Variants in FGF14 observed in about 807,000 individuals in gnomAD.
FGF14 encodes the protein fibroblast growth factor homologous factor 4.
FGF14 carries 5 observed loss-of-function variants against 25.5 expected under a neutral mutation model. That is an observed-to-expected ratio of 0.20 (90% CI 0.10 to 0.41). The LOEUF (loss-of-function observed/expected upper bound fraction) is 0.41. Among genes scored for constraint, FGF14 ranks in the 10% least tolerant of loss-of-function variants. The pLI, the probability that FGF14 is intolerant of heterozygous loss-of-function variation, is 1.00. For missense variants in FGF14, 222 were observed against 320.1 expected (o/e 0.69, Z 2.34); for synonymous variants, 138 against 118.3 (o/e 1.17, Z -1.08).
chr13:102,226,718 A>G (rs1051369848), intron 1 of FGF14, among the ~76,000 whole-genome samples: 1 of 152,190 alleles, frequency 6.6e-6, no homozygotes, highest in South Asian at 2.1e-4. Context: ...CTACTCTCTT[A>G]CAATTACCAC....
chr13:101,910,375 G>A (rs1278359404), intron 1 of FGF14, among the ~76,000 whole-genome samples: 1 of 152,070 alleles, frequency 6.6e-6, no homozygotes, highest in Non-Finnish European at 1.5e-5. Flanking sequence ...CCTGACAAAT[G>A]TGGTATGTTT....
chr13:101,767,490 C>T (rs9513946), intron 3 of FGF14, among the ~76,000 whole-genome samples: 64,964 of 152,084 alleles, frequency 0.43, 15,050 homozygotes, highest in Middle Eastern at 0.52. Context: ...AGGCACCAAA[C>T]TGACAATGCA....
At chr13:102,231,062 C>CT (rs1470821152) in intron 1 of FGF14, among the ~76,000 whole-genome samples, 1 of 152,124 alleles carries the variant, frequency 6.6e-6, no homozygotes, top group Admixed American at 6.6e-5. Flanking sequence ...TTTCCCTTTT[C>CT]TTTTTTGTCT....
intron 3 of FGF14, among the ~76,000 whole-genome samples, chr13:101,741,377 C>G (rs1456606762): frequency 6.6e-6 from 1 of 152,082 alleles, no homozygotes; most frequent in East Asian, 1.9e-4. Context: ...ATGAGCAGTA[C>G]TATAGTAGGA....
chr13:102,349,481 A>G (rs913277084), intron 1 of FGF14, among the ~76,000 whole-genome samples: 1 of 152,214 alleles, frequency 6.6e-6, no homozygotes, highest in South Asian at 2.1e-4. Flanking sequence ...AATTGATGTC[A>G]TGTTATTAGC....
At chr13:102,211,709 GA>G (rs1316349966) in intron 1 of FGF14, among the ~76,000 whole-genome samples, 2 of 152,138 alleles carry the variant, frequency 1.3e-5, no homozygotes, top group Non-Finnish European at 2.9e-5. Flanking sequence ...TATTTTCAAT[GA>G]AATTTGGTTG....
chr13:102,122,902 G>C (rs2045792542), intron 1 of FGF14, among the ~76,000 whole-genome samples: 1 of 152,094 alleles, frequency 6.6e-6, no homozygotes, highest in African/African-American at 2.4e-5. Flanking sequence ...TAAAAAAATT[G>C]CTCCAAGTCG....
At chr13:101,733,714 T>C (rs1255273009) in intron 3 of FGF14, among the ~76,000 whole-genome samples, 1 of 151,684 alleles carries the variant, frequency 6.6e-6, no homozygotes, top group Non-Finnish European at 1.5e-5. Context: ...CTTATATTTA[T>C]AGGGCCAAAT....
chr13:101,742,282 T>A (rs1268488078), intron 3 of FGF14, among the ~76,000 whole-genome samples: 1 of 152,186 alleles, frequency 6.6e-6, no homozygotes, highest in Non-Finnish European at 1.5e-5. Context: ...TGTATACCTA[T>A]GTAACAAACC....
At chr13:102,000,091 G>A (rs1014793090) in intron 1 of FGF14, among the ~76,000 whole-genome samples, 1 of 152,126 alleles carries the variant, frequency 6.6e-6, no homozygotes. Context: ...CGAGGCGGGC[G>A]GATCACGAGG....
chr13:102,099,285 G>C (rs908995491), intron 1 of FGF14, among the ~76,000 whole-genome samples: 1 of 152,196 alleles, frequency 6.6e-6, no homozygotes, highest in African/African-American at 2.4e-5. Flanking sequence ...AGTGGAAAGA[G>C]GACAGAAATA....
intron 1 of FGF14, among the ~76,000 whole-genome samples, chr13:102,185,159 T>G (rs2048828501): frequency 6.6e-6 from 1 of 152,156 alleles, no homozygotes; most frequent in African/African-American, 2.4e-5. Flanking sequence ...CTTCATATTT[T>G]TCCAAATTCT....
intron 1 of FGF14, among the ~76,000 whole-genome samples, chr13:102,132,009 GTTT>G (rs1051846645): frequency 6.6e-6 from 1 of 151,934 alleles, no homozygotes; most frequent in African/African-American, 2.4e-5. Context: ...GGGAAAATAA[GTTT>G]TTTTTGTTTT....
intron 1 of FGF14, among the ~76,000 whole-genome samples, chr13:102,289,644 G>A (rs146834393): frequency 2.7e-3 from 416 of 152,264 alleles, no homozygotes; most frequent in African/African-American, 9.5e-3. Context: ...ACCAGTAGGA[G>A]GTAGGTTCAG....
intron 3 of FGF14, among the ~76,000 whole-genome samples, chr13:101,834,445 C>A (rs1223345385): frequency 2.0e-5 from 3 of 151,984 alleles, no homozygotes; most frequent in African/African-American, 7.2e-5. Flanking sequence ...AAGATACAAG[C>A]TTTTACTTAA....
chr13:102,172,275 T>C (rs1001682811), intron 1 of FGF14, among the ~76,000 whole-genome samples: 6 of 152,076 alleles, frequency 3.9e-5, no homozygotes, highest in African/African-American at 1.2e-4. Flanking sequence ...TAAGCCAGCC[T>C]TTCCCCAGTC....
chr13:101,838,995 G>C (rs1285057070), intron 3 of FGF14, among the ~76,000 whole-genome samples: 3 of 151,928 alleles, frequency 2.0e-5, no homozygotes, highest in African/African-American at 4.8e-5. Flanking sequence ...CAGATGCCCA[G>C]ACCCTTTCCC....
chr13:102,126,599 G>A (rs1185392604), intron 1 of FGF14, among the ~76,000 whole-genome samples: 1 of 152,124 alleles, frequency 6.6e-6, no homozygotes, highest in African/African-American at 2.4e-5. Flanking sequence ...GGAATTATTG[G>A]TCAGTATGGT....
At chr13:102,263,373 T>C (rs1402977119) in intron 1 of FGF14, among the ~76,000 whole-genome samples, 1 of 152,190 alleles carries the variant, frequency 6.6e-6, no homozygotes, top group African/African-American at 2.4e-5. Flanking sequence ...GTATCATAAT[T>C]TGATGAATAG....
Sources: allele counts gnomAD v4.1 joint callset (sites outside exome capture counted in the v4.1 genomes callset), GRCh38; gene constraint gnomAD v4.1.1; transcripts MANE v1.5; gene names NCBI Gene and HGNC (gene_info 2026-07-23, HGNC 2026-07-21).